GALNT13: variants seen among roughly 807,000 people sequenced by gnomAD.
GALNT13 encodes the protein polypeptide N-acetylgalactosaminyltransferase 13.
In GALNT13, 28 loss-of-function variants were observed where a neutral mutation model predicts 64.2. That is an observed-to-expected ratio of 0.44 (90% confidence interval 0.32 to 0.60). The LOEUF is 0.60. Among genes scored for constraint, GALNT13 ranks in the 20% least tolerant of loss-of-function variants. The pLI is 0.05. For missense variants in GALNT13, 577 were observed against 669.8 expected (o/e 0.86, Z 1.53); for synonymous variants, 214 against 224.6 (o/e 0.95, Z 0.42).
intron 4 of GALNT13, among the ~76,000 whole-genome samples, chr2:154,168,303 C>G (rs1160932947): frequency 2.6e-5 from 4 of 152,108 alleles, no homozygotes; most frequent in Non-Finnish European, 4.4e-5. Flanking sequence ...CAAAGGCATC[C>G]TACCGGCAGA....
At chr2:153,961,502 A>G (rs543306228) in intron 3 of GALNT13, among the ~76,000 whole-genome samples, 1 of 152,324 alleles carries the variant, frequency 6.6e-6, no homozygotes, top group East Asian at 1.9e-4. Context: ...GAGGTAATAC[A>G]TAATAATAAA....
chr2:153,326,306 CT>C, the GALNT13 span, among the ~76,000 whole-genome samples: 872 of 130,750 alleles, frequency 6.7e-3, 1 homozygote, highest in Non-Finnish European at 0.01. Flanking sequence ...CAACTTTGGC[CT>C]TTTTTTTTTT....
chr2:153,116,081 A>G, the GALNT13 span, among the ~76,000 whole-genome samples: 1 of 152,186 alleles, frequency 6.6e-6, no homozygotes, highest in African/African-American at 2.4e-5. Flanking sequence ...AAATACCAGA[A>G]TGTTACATTA....
the GALNT13 span, among the ~76,000 whole-genome samples, chr2:153,824,023 C>T: frequency 6.6e-6 from 1 of 152,150 alleles, no homozygotes; most frequent in African/African-American, 2.4e-5. Flanking sequence ...GAATGCTCCA[C>T]ATCACTAATC....
chr2:153,143,246 T>C, the GALNT13 span, among the ~76,000 whole-genome samples: 4 of 152,028 alleles, frequency 2.6e-5, no homozygotes, highest in African/African-American at 9.7e-5. Flanking sequence ...TACATGTCTC[T>C]AATGGTAATT....
the GALNT13 span, among the ~76,000 whole-genome samples, chr2:153,293,195 G>A: frequency 6.6e-6 from 1 of 152,054 alleles, no homozygotes; most frequent in Non-Finnish European, 1.5e-5. Flanking sequence ...GATCTGCAAA[G>A]TTGTCATCCC....
intron 3 of GALNT13, among the ~76,000 whole-genome samples, chr2:154,048,108 G>T (rs536546668): frequency 6.6e-6 from 1 of 152,160 alleles, no homozygotes; most frequent in Non-Finnish European, 1.5e-5. Context: ...AGGCGAAGGG[G>T]GAGCAAACAC....
At chr2:154,148,061 C>T (rs1240629128) in intron 4 of GALNT13, among the ~76,000 whole-genome samples, 1 of 152,020 alleles carries the variant, frequency 6.6e-6, no homozygotes, top group Non-Finnish European at 1.5e-5. Flanking sequence ...AATGCTATCC[C>T]TCCACCCTCC....
rs191622239 is a variant in GALNT13, at chr2:154,155,181, A to T, written c.311+14676A>T. 5.9e-3 allele frequency among the ~76,000 whole-genome samples: 892 copies of T among 152,192 alleles called. 5 individuals are homozygous for T. Among genetic ancestry groups the T allele is most frequent in the Non-Finnish European group, 8.8e-3 (596 of 67,922 alleles). On this transcript the variant is annotated intron_variant, in intron 4 of 12. Transcript: ENST00000392825. ...GTACCAGAGATCAGAAATTCAATTA[A>T]TATTCTCACTTCTATTTCATCTTTA...
chr2:153,872,619 CGGGGGGG>C (rs1218155488), intron 1 of GALNT13, among the ~76,000 whole-genome samples: 1 of 16,286 alleles, frequency 6.1e-5, no homozygotes, highest in African/African-American at 1.8e-4. Context: ...TTGTTGGTGG[CGGGGGGG>C]GGGGGGGGAG....
intron 4 of GALNT13, among the ~76,000 whole-genome samples, chr2:154,239,215 G>A (rs1214620447): frequency 6.6e-6 from 1 of 152,076 alleles, no homozygotes; most frequent in African/African-American, 2.4e-5. Context: ...ACTTTAAGAT[G>A]CTGTATCGAA....
At position 154,298,633 on chromosome 2, in the gene GALNT13, T is replaced by TAAATTATATATACATTGTATATAC. The variant is rs1559075761; in HGVS notation, c.976-2774_976-2773insATTATATATACATTGTATATACAA. ...TTAATTTATATATACATTGTATATA[T>TAAATTATATATACATTGTATATAC]AATTTATATATACATTGTATATACA... On this transcript the variant is annotated intron_variant, in intron 8 of 12. Transcript: ENST00000392825. Among the ~76,000 whole-genome samples, 2 of 23,604 alleles carry TAAATTATATATACATTGTATATAC rather than the reference T, an allele frequency of 8.5e-5. 1 individual carries two copies. Among genetic ancestry groups the TAAATTATATATACATTGTATATAC allele is most frequent in the Non-Finnish European group, 1.3e-4 (2 of 14,824 alleles). 15.5% of individuals were successfully genotyped at this position (23,604 alleles called of 152,430 possible).
chr2:153,823,581 A>C, the GALNT13 span, among the ~76,000 whole-genome samples: 1 of 151,238 alleles, frequency 6.6e-6, no homozygotes, highest in African/African-American at 2.4e-5. Flanking sequence ...GAACAATCAA[A>C]TTAGACCCCC....
At chr2:153,781,910 A>ACT in the GALNT13 span, among the ~76,000 whole-genome samples, 1 of 151,988 alleles carries the variant, frequency 6.6e-6, no homozygotes, top group Non-Finnish European at 1.5e-5. Context: ...TTGTTTGCTT[A>ACT]CTCTCTCTCA....
chr2:153,876,800 GAAATTCTT>G (rs1436768068), intron 1 of GALNT13, among the ~76,000 whole-genome samples: 1 of 152,116 alleles, frequency 6.6e-6, no homozygotes, highest in Non-Finnish European at 1.5e-5. Flanking sequence ...ACATTTAAAT[GAAATTCTT>G]AATTTTTAAA....
intron 8 of GALNT13, chr2:154,287,074 C>CCACCCA: frequency 1.3e-6 from 1 of 782,608 alleles, no homozygotes; most frequent in Admixed American, 1.8e-5. Flanking sequence ...TTGGGCTCAT[C>CCACCCA]CACCCACCTT....
intron 11 of GALNT13, among the ~76,000 whole-genome samples, chr2:154,416,030 C>G (rs111904729): frequency 6.6e-6 from 1 of 152,088 alleles, no homozygotes; most frequent in South Asian, 2.1e-4. Flanking sequence ...AGCAGGGTTA[C>G]CACAACTTCT....
At chr2:154,243,992 T>A (rs1689637069) in intron 6 of GALNT13, among the ~76,000 whole-genome samples, 1 of 152,158 alleles carries the variant, frequency 6.6e-6, no homozygotes, top group African/African-American at 2.4e-5. Context: ...ACATGGCTAA[T>A]AACATTTTTC....
At chr2:153,782,734 C>G in the GALNT13 span, among the ~76,000 whole-genome samples, 1 of 152,178 alleles carries the variant, frequency 6.6e-6, no homozygotes, top group Admixed American at 6.5e-5. Flanking sequence ...TTTCTCATGG[C>G]TCTCAGAAGA....
Sources: allele counts gnomAD v4.1 joint callset (sites outside exome capture counted in the v4.1 genomes callset), GRCh38; gene constraint gnomAD v4.1.1; transcripts MANE v1.5; gene names NCBI Gene and HGNC (gene_info 2026-07-23, HGNC 2026-07-21).